The following PDSS1 variants were observed in gnomAD, a reference collection of about 807,000 sequenced individuals.
PDSS1 encodes decaprenyl diphosphate synthase subunit 1.
Under a neutral mutation model 57.5 loss-of-function variants are expected in PDSS1, and 43 were observed. The observed-to-expected ratio is 0.75, with a 90% CI of 0.59 to 0.96. The LOEUF is 0.96. PDSS1 is among the 50% of genes least tolerant of loss of function. The probability of loss-of-function intolerance (pLI) is 0.00; values close to 1 mark genes in which losing one functional copy is unlikely to be tolerated. For synonymous variants in PDSS1, 175 were observed against 191.3 expected, an observed-to-expected ratio of 0.91 and a Z score of 0.70; for missense variants, 438 against 527.8, an observed-to-expected ratio of 0.83 and a Z score of 1.67.
Position 26,735,267 on chromosome 10 carries a change from G to A in PDSS1, c.859G>A (p.Val287Met), listed in dbSNP as rs768568415. Residue 287 changes from valine (V) to methionine (M), a missense_variant, in exon 9 of 12, where the codon GTG becomes ATG. Physicochemically the swap from Val to Met is conservative, Grantham distance 21 (BLOSUM62 1). This residue lies in a region of PDSS1 where 284 missense variants were observed against 390.7 expected (regional missense o/e 0.73). Coordinates refer to ENST00000376215, the MANE Select transcript of PDSS1 (RefSeq NM_014317.5). The stretch of plus-strand genomic sequence containing the variant: ...CTCTGTTCTAGGATGTCCCGACCCA[G>A]TGGTGCATGAGATCGCCTATCAGTA... Reference protein sequence around the residue: ...AVSVLGCPDPVVHEIAYQYGK... With the variant: ...AVSVLGCPDPMVHEIAYQYGK... The A allele has an allele frequency of 1.9e-5, 30 of 1,613,600 alleles. No individual in the cohort carries two copies. The highest frequency in any genetic ancestry group is 3.3e-5 in the South Asian group (3 of 91,086).
At chr10:26,722,443 G>A (rs372284463) in intron 6 of PDSS1, among the ~76,000 whole-genome samples, 1 of 152,028 alleles carries the variant, frequency 6.6e-6, no homozygotes, top group South Asian at 2.1e-4. Context: ...GGTGGCTCAC[G>A]CCTGTAATCC....
At chr10:26,727,269 A>G (rs1007522476) in intron 8 of PDSS1, among the ~76,000 whole-genome samples, 1 of 151,702 alleles carries the variant, frequency 6.6e-6, no homozygotes, top group African/African-American at 2.4e-5. Context: ...TAAGCCAGAC[A>G]GTAGCTGAGT....
intron 8 of PDSS1, among the ~76,000 whole-genome samples, chr10:26,733,120 C>G (rs917739766): frequency 5.3e-5 from 8 of 152,120 alleles, no homozygotes; most frequent in African/African-American, 1.9e-4. Context: ...AAATCTTTCA[C>G]TTTTCAGGAA....
chr10:26,746,417 C>G lies in PDSS1; in HGVS notation c.1192C>G (p.Pro398Ala). 6.2e-7 allele frequency: 1 copy of G among 1,613,990 alleles called. No individual in the cohort carries two copies. Among genetic ancestry groups the G allele is most frequent in the Non-Finnish European group, 8.5e-7 (1 of 1,179,898 alleles). ...AGAGATCAGTAAACTTCGACCATCC[C>G]CAGAAAGAGATGCCCTCATTCAGCT... ...IREISKLRPS[P>A]ERDALIQLSE... is the part of the protein sequence containing the mutation. The change falls in exon 12 of 12, where the codon CCA (proline) becomes GCA (alanine). Residue 398 changes from proline (P) to alanine (A), a missense_variant. This residue lies in a region of PDSS1 where 284 missense variants were observed against 390.7 expected (regional missense o/e 0.73). Coordinates refer to ENST00000376215, the MANE Select transcript of PDSS1 (RefSeq NM_014317.5).
chr10:26,736,736 A>C (rs1291636426), intron 10 of PDSS1, among the ~76,000 whole-genome samples: 1 of 152,184 alleles, frequency 6.6e-6, no homozygotes, highest in Non-Finnish European at 1.5e-5. Context: ...ACCCACCCTC[A>C]TTATTACAAG....
intron 5 of PDSS1, among the ~76,000 whole-genome samples, chr10:26,713,395 G>A (rs1290421624): frequency 2.0e-5 from 3 of 152,130 alleles, no homozygotes; most frequent in Admixed American, 1.3e-4. Context: ...AGAGCACGAG[G>A]GAGAAACTAC....
chr10:26,728,208 T>A (rs2132280616), intron 8 of PDSS1, among the ~76,000 whole-genome samples: 1 of 152,068 alleles, frequency 6.6e-6, no homozygotes, highest in African/African-American at 2.4e-5. Context: ...TTATAAAAAA[T>A]TAGCTGGGCA....
chr10:26,732,771 A>T (rs763610287), intron 8 of PDSS1, among the ~76,000 whole-genome samples: 1 of 152,232 alleles, frequency 6.6e-6, no homozygotes, highest in Non-Finnish European at 1.5e-5. Flanking sequence ...AACTCAAATC[A>T]TACAAAGTGT....
At chr10:26,743,030 C>T (rs1428153865) in intron 11 of PDSS1, among the ~76,000 whole-genome samples, 1 of 152,194 alleles carries the variant, frequency 6.6e-6, no homozygotes, top group Non-Finnish European at 1.5e-5. Flanking sequence ...CTTTCCTAGT[C>T]CATCCTACCT....
intron 1 of PDSS1, among the ~76,000 whole-genome samples, chr10:26,698,679 T>G (rs1834953920): frequency 1.3e-5 from 2 of 152,204 alleles, no homozygotes; most frequent in Admixed American, 6.5e-5. Flanking sequence ...CACTGTTACT[T>G]AAGTTTATTT....
intron 5 of PDSS1, among the ~76,000 whole-genome samples, 190 bp downstream of exon 5, chr10:26,709,958 C>T (rs1835370499): frequency 6.6e-6 from 1 of 152,060 alleles, no homozygotes; most frequent in African/African-American, 2.4e-5. Flanking sequence ...TGAGACCAGC[C>T]TGGCCAACAT....
chr10:26,746,764 A>G lies in PDSS1; in HGVS notation c.*291A>G. The G allele has an allele frequency of 2.3e-6, 1 of 426,570 alleles. No individual in the cohort carries two copies. Among genetic ancestry groups the G allele is most frequent in the South Asian group, 2.4e-5 (1 of 41,802 alleles). 26.4% of individuals were successfully genotyped at this position (426,570 alleles called of 1,614,324 possible). On this transcript the variant is annotated 3_prime_UTR_variant, in exon 12 of 12. Transcript: ENST00000376215. Reference sequence around the variant, plus strand: ...ACTGTTAATATCCACATGTAAGGCCATTACACAAATAAATAACCAATGTTA... The same window carrying G: ...ACTGTTAATATCCACATGTAAGGCCGTTACACAAATAAATAACCAATGTTA...
At chr10:26,699,915 G>C (rs1834993985) in intron 1 of PDSS1, among the ~76,000 whole-genome samples, 2 of 152,148 alleles carry the variant, frequency 1.3e-5, no homozygotes, top group African/African-American at 2.4e-5. Context: ...TCTGCCTCAG[G>C]CATGTGTATT....
chr10:26,719,238 A>T (rs1367009465), intron 5 of PDSS1, among the ~76,000 whole-genome samples: 1 of 152,230 alleles, frequency 6.6e-6, no homozygotes, highest in Non-Finnish European at 1.5e-5. Context: ...TTTAGTTTTT[A>T]AAAATTGCCA....
At chr10:26,742,001 G>A (rs11015256) in intron 10 of PDSS1, among the ~76,000 whole-genome samples, 11,846 of 152,094 alleles carry the variant, frequency 0.078, 489 homozygotes, top group East Asian at 0.14. Flanking sequence ...TCAGCCTCCC[G>A]AGTAGCTGGG....
At chr10:26,701,746 G>T (rs745844687) in intron 1 of PDSS1, 19 of 450,234 alleles carry the variant, frequency 4.2e-5, no homozygotes, top group Non-Finnish European at 8.0e-5. Flanking sequence ...GCCCCCACAC[G>T]GAGTCCCTGC....
intron 8 of PDSS1, chr10:26,734,756 C>G (rs948195467): frequency 2.6e-5 from 12 of 456,182 alleles, no homozygotes; most frequent in Non-Finnish European, 4.8e-5. Context: ...AAAGAAAGGA[C>G]TACAGATGGG....
At chr10:26,732,605 C>G (rs1836251700) in intron 8 of PDSS1, among the ~76,000 whole-genome samples, 1 of 152,182 alleles carries the variant, frequency 6.6e-6, no homozygotes, top group South Asian at 2.1e-4. Flanking sequence ...CATGTAATGC[C>G]TGGTACCGTC....
Position 26,746,319 on chromosome 10 carries a change from T to C in PDSS1, c.1108-14T>C. 1 of 1,613,952 alleles carries C rather than the reference T, an allele frequency of 6.2e-7. No individual in the cohort carries two copies. Among genetic ancestry groups the C allele is most frequent in the Non-Finnish European group, 8.5e-7 (1 of 1,179,840 alleles). Reference sequence around the variant, plus strand: ...GTGACAGGCATCTGTTCTGTTTTGTTCTGTATCTTATAGAGTGATGGTGTG... The same window carrying C: ...GTGACAGGCATCTGTTCTGTTTTGTCCTGTATCTTATAGAGTGATGGTGTG... On this transcript the variant is annotated splice_polypyrimidine_tract_variant and intron_variant, in intron 11 of 11. Coordinates refer to ENST00000376215, the MANE Select transcript of PDSS1 (RefSeq NM_014317.5).
Sources: allele counts gnomAD v4.1 joint callset (sites outside exome capture counted in the v4.1 genomes callset), GRCh38; gene constraint gnomAD v4.1.1; regional missense constraint gnomAD v4.1.1; transcripts MANE v1.5; gene names NCBI Gene and HGNC (gene_info 2026-07-23, HGNC 2026-07-21).